BDP1: variants seen among roughly 807,000 people sequenced by gnomAD.
The protein encoded by BDP1 is transcription factor TFIIIB component B'' homolog.
BDP1 carries 169 observed loss-of-function variants against 266.6 expected under a neutral mutation model. The observed-to-expected ratio is 0.63, with a 90% confidence interval of 0.56 to 0.72. BDP1 has a LOEUF of 0.72. BDP1 is among the 30% of genes least tolerant of loss of function. The pLI is 0.00. For missense variants in BDP1, 3,015 were observed against 3,053.8 expected (o/e 0.99, Z 0.30); for synonymous variants, 1,090 against 1,022.4 (o/e 1.07, Z -1.26).
chr5:71,555,264 T>C (rs1366624419), intron 35 of BDP1, among the ~76,000 whole-genome samples: 1 of 152,194 alleles, frequency 6.6e-6, no homozygotes, highest in Admixed American at 6.5e-5. Context: ...TTTTACCGTT[T>C]ACTGAATAAT....
Position 71,544,971 on chromosome 5 carries a change from C to T in BDP1, c.6564-68C>T, listed in dbSNP as rs892595218. 17 of 1,441,068 alleles carry T rather than the reference C, an allele frequency of 1.2e-5. No individual in the cohort carries two copies. The African/African-American group carries it at 1.7e-4, about 14-fold the overall frequency. 89.3% of individuals were successfully genotyped at this position (1,441,068 alleles called of 1,614,324 possible). ...ATTGAATTAGATGATCTTTTACACA[C>T]CTAGCTCTAAAAATAATTCCATGAT... is the stretch of plus-strand genomic sequence containing the variant. On this transcript the variant is annotated intron_variant, in intron 31 of 38. Transcript: ENST00000358731.
Position 71,464,130 on chromosome 5 carries a change from T to G in BDP1, c.659+13T>G. On this transcript the variant is annotated intron_variant, in intron 4 of 38. Transcript: ENST00000358731. ...TCCAGACAAGAGAGTAAGTATTTTA[T>G]TTTTGAATATATTCTATTCCTACAT... 1 of 1,483,560 alleles carries G rather than the reference T, an allele frequency of 6.7e-7. No homozygotes were observed. Among genetic ancestry groups the G allele is most frequent in the South Asian group, 1.2e-5 (1 of 80,952 alleles). 91.9% of individuals were successfully genotyped at this position (1,483,560 alleles called of 1,614,324 possible).
chr5:71,456,646 C>G (rs907707069), intron 1 of BDP1, among the ~76,000 whole-genome samples: 1 of 152,098 alleles, frequency 6.6e-6, no homozygotes, highest in Non-Finnish European at 1.5e-5. Context: ...TTTTAGTCTA[C>G]AGGTAAACTT....
At chr5:71,483,535 C>G (rs1763083567) in intron 7 of BDP1, among the ~76,000 whole-genome samples, 1 of 152,102 alleles carries the variant, frequency 6.6e-6, no homozygotes, top group Non-Finnish European at 1.5e-5. Context: ...AAAGTTAATA[C>G]CAGTGAGCTT....
In BDP1 at chr5:71,455,987, C is replaced by T; in HGVS notation, c.110C>T (p.Pro37Leu). The T allele has an allele frequency of 1.2e-6, 2 of 1,613,396 alleles. No homozygotes were observed. The highest frequency in any genetic ancestry group is 1.1e-5 in the South Asian group (1 of 91,052). The change falls in exon 1 of 39, where the codon CCG (proline) becomes CTG (leucine). Residue 37 changes from proline to leucine, a missense_variant. By Grantham distance (98) the Pro-to-Leu change is moderately conservative. Around this residue, in one of 3 missense-constraint regions of BDP1, gnomAD observed 2,383 missense variants for 2,404.9 expected, o/e 0.99. Coordinates refer to ENST00000358731, the MANE Select transcript of BDP1 (RefSeq NM_018429.3). ...PQRGRESPRP[P>L]DPATDSASKP... ...CGTGGACGGGAGTCTCCCAGGCCGCCGGATCCTGCCACGGACTCTGCTTCC... is the reference window on the plus strand; with the variant it reads ...CGTGGACGGGAGTCTCCCAGGCCGCTGGATCCTGCCACGGACTCTGCTTCC...
intron 35 of BDP1, among the ~76,000 whole-genome samples, chr5:71,553,664 A>G (rs1393751916): frequency 6.6e-6 from 1 of 152,150 alleles, no homozygotes; most frequent in Non-Finnish European, 1.5e-5. Flanking sequence ...CTCTCTGATC[A>G]GGTTTCCTAA....
At position 71,489,442 on chromosome 5, in the gene BDP1, G is replaced by A. The variant is rs777771182; in HGVS notation, c.1252G>A (p.Asp418Asn). 2.5e-6 allele frequency: 4 copies of A among 1,613,440 alleles called. No individual in the cohort carries two copies. Among genetic ancestry groups the A allele is most frequent in the Admixed American group, 1.7e-5 (1 of 59,926 alleles). Reference sequence around the variant, plus strand: ...CTGTGAAGGAGTGAATAATGATCCAGATGAGTCTATGAGTTCTAGAATTTC... The same window carrying A: ...CTGTGAAGGAGTGAATAATGATCCAAATGAGTCTATGAGTTCTAGAATTTC... ...VACEGVNNDP[D>N]ESMSSRISDT... The change falls in exon 10 of 39, where the codon GAT becomes AAT. Residue 418 changes from aspartate to asparagine, a missense_variant. By Grantham distance (23) the Asp-to-Asn change is conservative. Around this residue, in one of 3 missense-constraint regions of BDP1, gnomAD observed 2,383 missense variants for 2,404.9 expected, o/e 0.99. Transcript: ENST00000358731.
the BDP1 span, among the ~76,000 whole-genome samples, chr5:71,573,093 G>A: frequency 6.6e-6 from 1 of 152,112 alleles, no homozygotes; most frequent in Admixed American, 6.6e-5. Flanking sequence ...GCCGGGCGTG[G>A]TGGCATGTGC....
chr5:71,500,067 C>G (rs1174550291), intron 13 of BDP1, among the ~76,000 whole-genome samples: 1 of 152,034 alleles, frequency 6.6e-6, no homozygotes, highest in African/African-American at 2.4e-5. Context: ...TTCCTTATAA[C>G]TTTTCCAGAA....
chr5:71,478,950 T>A (rs1762764809), intron 7 of BDP1, among the ~76,000 whole-genome samples: 1 of 152,194 alleles, frequency 6.6e-6, no homozygotes, highest in South Asian at 2.1e-4. Flanking sequence ...CTGTCTTTTG[T>A]CTTCAATCTG....
intron 25 of BDP1, among the ~76,000 whole-genome samples, chr5:71,525,091 C>G (rs530972385): frequency 7.9e-5 from 12 of 152,362 alleles, no homozygotes; most frequent in African/African-American, 2.6e-4. Flanking sequence ...ACTGTTCCCC[C>G]CTTTCTATTC....
In BDP1 at chr5:71,538,264, G is replaced by T. The variant is rs7721367; in HGVS notation, c.5893-778G>T. ...CCATATTCATAATAGATATTGGTCT[G>T]TACTTTTCTTGTGATGTCAGGAGAT... On this transcript the variant is annotated intron_variant, in intron 26 of 38. Transcript: ENST00000358731. Among the ~76,000 whole-genome samples the T allele has an allele frequency of 4.3e-3, 650 of 152,230 alleles. 5 individuals are homozygous for T. Among genetic ancestry groups the T allele is most frequent in the African/African-American group, 0.015 (612 of 41,530 alleles).
intron 34 of BDP1, among the ~76,000 whole-genome samples, chr5:71,551,097 G>GTTTATTTA (rs151155386): frequency 3.3e-5 from 5 of 149,556 alleles, no homozygotes; most frequent in African/African-American, 4.9e-5. Context: ...TTTTTTAGTT[G>GTTTATTTA]TTTATTTATT....
chr5:71,535,160 TATGAG>T (rs1766512283), intron 26 of BDP1, among the ~76,000 whole-genome samples: 1 of 152,222 alleles, frequency 6.6e-6, no homozygotes, highest in African/African-American at 2.4e-5. Flanking sequence ...CTCCTCGACT[TATGAG>T]GAGATTATGT....
chr5:71,559,617 G>C (rs1218738114), intron 36 of BDP1, among the ~76,000 whole-genome samples: 1 of 152,134 alleles, frequency 6.6e-6, no homozygotes, highest in Non-Finnish European at 1.5e-5. Flanking sequence ...GGAGACCACA[G>C]GTACTTGAGT....
intron 13 of BDP1, among the ~76,000 whole-genome samples, chr5:71,501,054 G>A (rs1180926142): frequency 6.7e-6 from 1 of 150,348 alleles, no homozygotes; most frequent in Non-Finnish European, 1.5e-5. Flanking sequence ...CTATGATCAT[G>A]TCACTGTACT....
chr5:71,487,486 G>A (rs1261454350), intron 9 of BDP1, among the ~76,000 whole-genome samples: 1 of 152,086 alleles, frequency 6.6e-6, no homozygotes, highest in African/African-American at 2.4e-5. Context: ...CTCATGATAT[G>A]CCTGCCTCGG....
intron 38 of BDP1, among the ~76,000 whole-genome samples, chr5:71,564,293 G>A (rs1358762769): frequency 6.6e-6 from 1 of 150,700 alleles, no homozygotes; most frequent in African/African-American, 2.4e-5. Context: ...TCTTTGATAT[G>A]TTTTCTTTAG....
Position 71,473,262 on chromosome 5 carries a change from A to ATTTTTT in BDP1, c.1014+2798_1014+2803dup, listed in dbSNP as rs869174435. The stretch of plus-strand genomic sequence containing the variant: ...TAATGAACCAACTTTTCTTAATGTA[A>ATTTTTT]TTTTTTTTTTTTTTTTTTTTTTTTT... On this transcript the variant is annotated intron_variant, in intron 7 of 38. Transcript: ENST00000358731. Among the ~76,000 whole-genome samples the ATTTTTT allele has an allele frequency of 2.3e-4, 14 of 59,970 alleles. 1 individual carries two copies. The highest frequency in any genetic ancestry group is 5.5e-4 in the African/African-American group (8 of 14,438). 39.3% of individuals were successfully genotyped at this position (59,970 alleles called of 152,430 possible). A position where few individuals can be genotyped will look rare whatever the true frequency, so the allele number is the denominator to read the frequency against.
Sources: gnomAD v4.1 joint callset for allele counts (sites outside exome capture counted in the v4.1 genomes callset) on GRCh38, gnomAD v4.1.1 for gene constraint, gnomAD v4.1.1 regional missense constraint, MANE v1.5 for transcripts, NCBI Gene and HGNC (gene_info 2026-07-23, HGNC 2026-07-21) for gene names.